FAT2: variants seen among roughly 807,000 people sequenced by gnomAD.
The protein encoded by FAT2 is protocadherin Fat 2.
A neutral mutation model predicts 295.3 loss-of-function variants in FAT2; 150 were observed. That is an observed-to-expected ratio of 0.51 (90% CI 0.44 to 0.58). The LOEUF (loss-of-function observed/expected upper bound fraction) is 0.58. Ranked by LOEUF, FAT2 falls within the 20% of genes least tolerant of loss-of-function variation. The pLI, the probability that FAT2 is intolerant of heterozygous loss-of-function variation, is 0.00. For missense variants in FAT2, 4,868 were observed against 5,442.7 expected, an observed-to-expected ratio of 0.89 and a Z score of 3.32; for synonymous variants, 2,026 against 2,150.3, an observed-to-expected ratio of 0.94 and a Z score of 1.60.
chr5:151,515,220 A>G (rs1752731927), intron 20 of FAT2, among the ~76,000 whole-genome samples: 1 of 152,150 alleles, frequency 6.6e-6, no homozygotes. Context: ...CTTCCTGCAT[A>G]CAATACTCCC....
In FAT2 at chr5:151,512,758, A is replaced by G; in HGVS notation, c.11464-152T>C. The G allele has an allele frequency of 5.8e-6, 4 of 688,118 alleles. No homozygotes were observed. The highest frequency in any genetic ancestry group is 2.0e-5 in the South Asian group (1 of 51,258). The allele number at this position is 688,118 out of a possible 1,614,324, so 42.6% of individuals were successfully genotyped here. On this transcript the variant is annotated intron_variant, in intron 20 of 23. Transcript: ENST00000261800. The surrounding 1 kb of genome is among the most constrained non-coding windows in gnomAD (Gnocchi z 4.1). ...GACATGGCATTTGCAGAGCATAAAA[A>G]CCCTCAAAGTGCTTTTGTGTTGATG... is the stretch of plus-strand genomic sequence containing the variant.
chr5:151,527,402 T>G lies in FAT2; in HGVS notation c.10165-25A>C, dbSNP rs10071924. 0.058 allele frequency: 90,162 copies of G among 1,563,466 alleles called. 3,847 individuals are homozygous for G. Among genetic ancestry groups the G allele is most frequent in the African/African-American group, 0.22 (16,294 of 73,232 alleles). On this transcript the variant is annotated intron_variant, in intron 16 of 23. Coordinates refer to ENST00000261800, the MANE Select transcript of FAT2 (RefSeq NM_001447.3). ...CCTATTGCAAAATGTCCAGTGGAGG[T>G]TAGCAATGAGGTAGCTGTCCCTCAC...
intron 1 of FAT2, among the ~76,000 whole-genome samples, chr5:151,584,078 G>A (rs1483354596): frequency 7.5e-6 from 1 of 134,084 alleles, no homozygotes; most frequent in African/African-American, 2.8e-5. Context: ...TAAAAAAGAA[G>A]ACATTAAAAT....
chr5:151,551,368 A>G (rs1757194515), intron 7 of FAT2, 99 bp downstream of exon 7: 1 of 1,270,974 alleles, frequency 7.9e-7, no homozygotes, highest in South Asian at 1.4e-5. Flanking sequence ...GTGTTCCTTG[A>G]GGAACACCAC....
Position 151,509,142 on chromosome 5 carries a change from C to T in FAT2, c.12059+879G>A, listed in dbSNP as rs577091326. ...CACAGCAGCACCTGCCCAAGTGGAACCATTTTCCCCAGGTCACTGGGAAGT... is the reference window on the plus strand; with the variant it reads ...CACAGCAGCACCTGCCCAAGTGGAATCATTTTCCCCAGGTCACTGGGAAGT... On this transcript the variant is annotated intron_variant, in intron 22 of 23. Transcript: ENST00000261800. 4.1e-4 allele frequency among the ~76,000 whole-genome samples: 62 copies of T among 152,284 alleles called. No individual in the cohort carries two copies. The South Asian group carries it at 0.012, about 29-fold the overall frequency.
In FAT2 at chr5:151,544,068, A is replaced by G; in HGVS notation, c.7059T>C (p.Asp2353=). The G allele has an allele frequency of 6.2e-7, 1 of 1,614,178 alleles. No homozygotes were observed. Among genetic ancestry groups the G allele is most frequent in the South Asian group, 1.1e-5 (1 of 91,084 alleles). The change falls in exon 10 of 24, where the codon GAT becomes GAC. Residue 2353 remains aspartate, a synonymous_variant. Transcript: ENST00000261800. Reference sequence around the variant, plus strand: ...CACCAGTGAGTGGGGGATCTCCTTTATCCATGGCCCTGACTTTCACATGAA... The same window carrying G: ...CACCAGTGAGTGGGGGATCTCCTTTGTCCATGGCCCTGACTTTCACATGAA... ...QHFHVKVRAM[D]KGDPPLTGET...
chr5:151,528,349 A>G (rs1754243114), intron 15 of FAT2, among the ~76,000 whole-genome samples: 1 of 152,184 alleles, frequency 6.6e-6, no homozygotes, highest in South Asian at 2.1e-4. Flanking sequence ...ACTCTTGCTA[A>G]CAGCATGCTA....
At chr5:151,583,006 T>C (rs1759021910) in intron 1 of FAT2, among the ~76,000 whole-genome samples, 1 of 152,194 alleles carries the variant, frequency 6.6e-6, no homozygotes, top group Non-Finnish European at 1.5e-5. Flanking sequence ...CATATCACTG[T>C]CTGCACACGC....
rs2127606052 is a variant in FAT2, at chr5:151,542,758, A to G, written c.8369T>C (p.Val2790Ala). 2 of 1,614,186 alleles carry G rather than the reference A, an allele frequency of 1.2e-6. No individual in the cohort carries two copies. Among genetic ancestry groups the G allele is most frequent in the African/African-American group, 1.3e-5 (1 of 75,044 alleles). Residue 2790 changes from valine (V) to alanine (A), a missense_variant, in exon 10 of 24, where the codon GTC (valine) becomes GCC (alanine). By Grantham distance (64) the Val-to-Ala change is moderately conservative. Transcript: ENST00000261800. Reference sequence around the variant, plus strand: ...CTCAAATACAGGCCTATTGTCATTGACGTCTCCCACTTGGATGTTGACAGA... The same window carrying G: ...CTCAAATACAGGCCTATTGTCATTGGCGTCTCCCACTTGGATGTTGACAGA... ...LVSVNIQVGD[V>A]NDNRPVFEAD...
At chr5:151,564,709 G>C (rs921152369) in intron 2 of FAT2, among the ~76,000 whole-genome samples, 4 of 152,136 alleles carry the variant, frequency 2.6e-5, no homozygotes, top group African/African-American at 9.7e-5. Flanking sequence ...TCACCTTTTT[G>C]GAGAGCAATT....
intron 15 of FAT2, among the ~76,000 whole-genome samples, chr5:151,528,730 T>C (rs1754285448): frequency 6.6e-6 from 1 of 152,090 alleles, no homozygotes; most frequent in Non-Finnish European, 1.5e-5. Context: ...TGGACAGAAC[T>C]GGGTTTCACT....
chr5:151,531,925 C>A lies in FAT2; in HGVS notation c.9473G>T (p.Gly3158Val). The change falls in exon 14 of 24, where the codon GGC becomes GTC. Residue 3158 changes from glycine to valine, a missense_variant. Gly to Val is a moderately radical substitution (Grantham distance 109). Coordinates refer to ENST00000261800, the MANE Select transcript of FAT2 (RefSeq NM_001447.3). This position sits in a 1 kb window ranked among gnomAD's most constrained non-coding sequence, Gnocchi z 5.7. Reference protein sequence around the residue: ...VVYSLPDSAEGHFSIDATTGV... With the variant: ...VVYSLPDSAEVHFSIDATTGV... Reference sequence around the variant, plus strand: ...CGTGGTGGCGTCGATGGAAAAGTGGCCTTCGGCTGAATCCGGCAGAGAGTA... The same window carrying A: ...CGTGGTGGCGTCGATGGAAAAGTGGACTTCGGCTGAATCCGGCAGAGAGTA... 6.2e-7 allele frequency: 1 copy of A among 1,614,212 alleles called. No individual in the cohort carries two copies. The highest frequency in any genetic ancestry group is 8.5e-7 in the Non-Finnish European group (1 of 1,180,038).
chr5:151,590,707 A>G lies in FAT2; in HGVS notation c.-21+458T>C, dbSNP rs1759363990. On this transcript the variant is annotated intron_variant, in intron 1 of 23. Coordinates refer to ENST00000261800, the MANE Select transcript of FAT2 (RefSeq NM_001447.3). ...TAGCTTTGTCTGTGATAAGGTTCCT[A>G]TGCCCACCTGGACACACACAAGAAG... Among the ~76,000 whole-genome samples, 3 of 152,144 alleles carry G rather than the reference A, an allele frequency of 2.0e-5. No homozygotes were observed. In the South Asian group the frequency reaches 6.2e-4, roughly 32 times the overall value.
intron 20 of FAT2, among the ~76,000 whole-genome samples, chr5:151,516,000 C>G (rs914237133): frequency 3.3e-5 from 5 of 152,206 alleles, no homozygotes; most frequent in Non-Finnish European, 5.9e-5. Context: ...TCCTACTGTT[C>G]CCTTTACCCA....
rs1758854521 is a variant in FAT2, at chr5:151,579,270, C to CA, written c.-20-10320dup. 2.6e-5 allele frequency among the ~76,000 whole-genome samples: 4 copies of CA among 152,164 alleles called. No individual in the cohort carries two copies. In the South Asian group the frequency reaches 6.2e-4, roughly 24 times the overall value. On this transcript the variant is annotated intron_variant, in intron 1 of 23. Transcript: ENST00000261800. Reference sequence around the variant, plus strand: ...GAATACATTTGAAATTTTGTCATCACAAAAAAATAAGCATGTAGGGGCCAG... The same window carrying CA: ...GAATACATTTGAAATTTTGTCATCACAAAAAAAATAAGCATGTAGGGGCCAG...
chr5:151,585,483 A>G (rs1759134223), intron 1 of FAT2, among the ~76,000 whole-genome samples: 1 of 152,212 alleles, frequency 6.6e-6, no homozygotes, highest in Non-Finnish European at 1.5e-5. Flanking sequence ...GTGGTGGCAC[A>G]TGCCTGTAAT....
chr5:151,542,672 C>T lies in FAT2; in HGVS notation c.8455G>A (p.Val2819Met), dbSNP rs1227502459. ...NMPVGTSVIQ[V>M]TAIDKDTGRD... Reference sequence around the variant, plus strand: ...CCAGTGTCCTTGTCAATGGCAGTCACTTGAATGACTGAGGTCCCCACTGGC... The same window carrying T: ...CCAGTGTCCTTGTCAATGGCAGTCATTTGAATGACTGAGGTCCCCACTGGC... Residue 2819 changes from valine to methionine, a missense_variant, in exon 10 of 24, where the codon GTG becomes ATG. Val to Met is a conservative substitution (Grantham distance 21, BLOSUM62 1). This residue lies in a region of FAT2 where 3,297 missense variants were observed against 3,669.4 expected (regional missense o/e 0.90). Coordinates refer to ENST00000261800, the MANE Select transcript of FAT2 (RefSeq NM_001447.3). 2.5e-6 allele frequency: 4 copies of T among 1,614,218 alleles called. No individual in the cohort carries two copies. Among genetic ancestry groups the T allele is most frequent in the South Asian group, 2.2e-5 (2 of 91,082 alleles).
At chr5:151,526,858 T>C (rs1343369461) in intron 17 of FAT2, among the ~76,000 whole-genome samples, 6 of 152,172 alleles carry the variant, frequency 3.9e-5, no homozygotes, top group Non-Finnish European at 4.4e-5. Context: ...CAAATCCTAT[T>C]TGCAAACCAT....
rs199790094 is a variant in FAT2, at chr5:151,554,518, C to T, written c.3789G>A (p.Val1263=). 2 of 1,614,240 alleles carry T rather than the reference C, an allele frequency of 1.2e-6. No individual in the cohort carries two copies. The highest frequency in any genetic ancestry group is 4.5e-5 in the East Asian group (2 of 44,880). ...ERLSPVSPGP[V]YRLVASDLDE... The stretch of plus-strand genomic sequence containing the variant: ...CCAGGTCTGAAGCCACCAGCCTGTA[C>T]ACAGGCCCAGGGGACACAGGGCTCA... Residue 1263 remains valine (V), a synonymous_variant, in exon 5 of 24, where the codon GTG becomes GTA. Coordinates refer to ENST00000261800, the MANE Select transcript of FAT2 (RefSeq NM_001447.3).
Sources: gnomAD v4.1 joint callset for allele counts (sites outside exome capture counted in the v4.1 genomes callset) on GRCh38, gnomAD v4.1.1 for gene constraint, gnomAD v4.1.1 regional missense constraint, Gnocchi (gnomAD v3.1) non-coding constraint, MANE v1.5 for transcripts, NCBI Gene and HGNC (gene_info 2026-07-23, HGNC 2026-07-21) for gene names.